The following COL16A1 variants were observed in gnomAD, a reference collection of about 807,000 sequenced individuals.
COL16A1 encodes the protein collagen alpha-1(XVI) chain.
COL16A1 carries 189 observed loss-of-function variants against 266.3 expected under a neutral mutation model. The ratio of observed to expected loss-of-function variants is 0.71; its 90% CI spans 0.63 to 0.80. The LOEUF (loss-of-function observed/expected upper bound fraction) is 0.80. Among genes scored for constraint, COL16A1 ranks in the 30% least tolerant of loss-of-function variants. The pLI, the probability that COL16A1 is intolerant of heterozygous loss-of-function variation, is 0.00. For synonymous variants in COL16A1, 740 were observed against 782.3 expected (o/e 0.95, Z 0.90); for missense variants, 1,928 against 2,122.4 (o/e 0.91, Z 1.80).
chr1:31,684,729 A>G (rs1201101239), intron 30 of COL16A1, 92 bp downstream of exon 30: 10 of 1,609,224 alleles, frequency 6.2e-6, no homozygotes, highest in Non-Finnish European at 8.5e-6. Flanking sequence ...GCCGGGGCTG[A>G]GGGTTGGGGG....
At position 31,662,673 on chromosome 1, in the gene COL16A1, C is replaced by CGGGGGGGGGGG; in HGVS notation, c.3556-16_3556-15insCCCCCCCCCCC. The CGGGGGGGGGGG allele has an allele frequency of 3.4e-6, 4 of 1,174,546 alleles. No homozygotes were observed. The highest frequency in any genetic ancestry group is 4.8e-6 in the Non-Finnish European group (4 of 836,292). The allele number at this position is 1,174,546 out of a possible 1,614,324, so 72.8% of individuals were successfully genotyped here. Reference sequence around the variant, plus strand: ...CCTTCGCTGCCCTGGAAACCAGCGCCGCCCCCCCCCCCCGCCCCACAATAA... The same window carrying CGGGGGGGGGGG: ...CCTTCGCTGCCCTGGAAACCAGCGCCGGGGGGGGGGGGCCCCCCCCCCCCGCCCCACAATAA... On this transcript the variant is annotated splice_polypyrimidine_tract_variant and intron_variant, in intron 56 of 70. Coordinates refer to ENST00000373672, the MANE Select transcript of COL16A1 (RefSeq NM_001856.4).
In COL16A1 at chr1:31,695,757, T is replaced by C; in HGVS notation, c.945+4A>G. The C allele has an allele frequency of 6.2e-7, 1 of 1,613,656 alleles. No individual in the cohort carries two copies. Among genetic ancestry groups the C allele is most frequent in the African/African-American group, 1.3e-5 (1 of 74,968 alleles). On this transcript the variant is annotated splice_donor_region_variant and intron_variant, in intron 10 of 70. Transcript: ENST00000373672. ...CCCTGCTGCCAGTCCACTGGGAGGC[T>C]TACCTCATCGGCTGCTGTCTCCTGA...
Position 31,661,054 on chromosome 1 carries a change from C to T in COL16A1, c.3825+12G>A. ...CAAACTGAAGGCAGCCATGTGGATC[C>T]CTGGCCCTCACCTCTGCGCCAGGCC... On this transcript the variant is annotated intron_variant, in intron 61 of 70. Coordinates refer to ENST00000373672, the MANE Select transcript of COL16A1 (RefSeq NM_001856.4). 1 of 1,559,224 alleles carries T rather than the reference C, an allele frequency of 6.4e-7. No homozygotes were observed. The highest frequency in any genetic ancestry group is 8.7e-7 in the Non-Finnish European group (1 of 1,150,752).
chr1:31,681,667 A>G (rs1410153901), intron 37 of COL16A1, among the ~76,000 whole-genome samples: 3 of 152,256 alleles, frequency 2.0e-5, no homozygotes, highest in Non-Finnish European at 4.4e-5. Flanking sequence ...TGAAAAGGAA[A>G]GCAGTTTGGG....
In COL16A1 at chr1:31,665,963, G is replaced by A. The variant is rs760642068; in HGVS notation, c.3403-28C>T. 7.6e-5 allele frequency: 123 copies of A among 1,613,838 alleles called. No homozygotes were observed. The East Asian group carries it at 2.1e-3, about 28-fold the overall frequency. On this transcript the variant is annotated intron_variant, in intron 53 of 70. Transcript: ENST00000373672. The stretch of plus-strand genomic sequence containing the variant: ...GTCACCCACAGAGAACAATGCAGCC[G>A]AAACCTAATCTTCCTGCCCTCAGAC...
At position 31,668,697 on chromosome 1, in the gene COL16A1, A is replaced by G. The variant is rs1049451736; in HGVS notation, c.3249+105T>C. The G allele has an allele frequency of 8.9e-6, 11 of 1,239,898 alleles. No homozygotes were observed. The highest frequency in any genetic ancestry group is 1.3e-5 in the Non-Finnish European group (11 of 846,374). 76.8% of individuals were successfully genotyped at this position (1,239,898 alleles called of 1,614,324 possible). A position where few individuals can be genotyped will look rare whatever the true frequency, so the allele number is the denominator to read the frequency against. On this transcript the variant is annotated intron_variant, in intron 50 of 70. Transcript: ENST00000373672. This position sits in a 1 kb window ranked among gnomAD's most constrained non-coding sequence, Gnocchi z 5.8. ...AAGGGCAGAGAGTCTCAAGGAGTCC[A>G]CCTCCCAGCTTCCACTCAGCAGCCA...
At position 31,693,257 on chromosome 1, in the gene COL16A1, C is replaced by T. The variant is rs74063964; in HGVS notation, c.1009-103G>A. ...CCCCCTCCACCCATCCCCCCACACACGGGTACGCAAATACGCACACATGTG... is the reference window on the plus strand; with the variant it reads ...CCCCCTCCACCCATCCCCCCACACATGGGTACGCAAATACGCACACATGTG... On this transcript the variant is annotated intron_variant, in intron 12 of 70. Transcript: ENST00000373672. The T allele has an allele frequency of 0.023, 17,383 of 752,030 alleles. 1,797 individuals are homozygous for T. In the African/African-American group the frequency reaches 0.25, roughly 11 times the overall value. The allele number at this position is 752,030 out of a possible 1,614,324, so 46.6% of individuals were successfully genotyped here.
chr1:31,702,391 G>A (rs1435970205), intron 1 of COL16A1, among the ~76,000 whole-genome samples, 164 bp from the exon 2 acceptor site: 1 of 152,218 alleles, frequency 6.6e-6, no homozygotes, highest in Non-Finnish European at 1.5e-5. Context: ...ACAGCCCTTG[G>A]GCTAGGATTT....
intron 47 of COL16A1, among the ~76,000 whole-genome samples, chr1:31,672,002 C>G (rs904140432): frequency 2.0e-5 from 3 of 152,208 alleles, no homozygotes; most frequent in African/African-American, 7.2e-5. Context: ...TGGTGTTGAG[C>G]TGACACCTGT....
chr1:31,681,192 G>T, intron 37 of COL16A1, 125 bp from the exon 38 acceptor site: 1 of 1,344,776 alleles, frequency 7.4e-7, no homozygotes, highest in South Asian at 1.5e-5. Flanking sequence ...CCAGGGCCGA[G>T]GGCCCACGTT....
In COL16A1 at chr1:31,684,186, C is replaced by T. The variant is rs777462646; in HGVS notation, c.2206G>A (p.Asp736Asn). ...ACPSLQGTVT[D>N]MAGRPGQPGP... The stretch of plus-strand genomic sequence containing the variant: ...GGCTGCCCAGGCCGTCCTGCCATGT[C>T]TGTCACTGTCCCCTGCAGGCTGGGG... Residue 736 changes from aspartate to asparagine, a missense_variant, in exon 32 of 71, where the codon GAC becomes AAC. Asp to Asn is a conservative substitution (Grantham distance 23). Coordinates refer to ENST00000373672, the MANE Select transcript of COL16A1 (RefSeq NM_001856.4). The T allele has an allele frequency of 5.8e-6, 9 of 1,540,750 alleles. No individual in the cohort carries two copies. In the East Asian group the frequency reaches 2.2e-4, roughly 38 times the overall value.
chr1:31,658,792 C>A, intron 63 of COL16A1, 122 bp downstream of exon 63: 1 of 1,254,240 alleles, frequency 8.0e-7, no homozygotes, highest in Non-Finnish European at 1.1e-6. Flanking sequence ...GAGAGGCTGA[C>A]ACCAGGGAAG....
chr1:31,660,997 G>T (rs748271042), intron 61 of COL16A1, 69 bp downstream of exon 61: 11 of 1,476,714 alleles, frequency 7.4e-6, no homozygotes, highest in Non-Finnish European at 4.6e-6. Flanking sequence ...AGGAAGAAGC[G>T]GCTGCATCCC....
In COL16A1 at chr1:31,691,459, G is replaced by C; in HGVS notation, c.1356C>G (p.Pro452=). The change falls in exon 19 of 71, where the codon CCC becomes CCG. Residue 452 remains proline (P), a synonymous_variant. Coordinates refer to ENST00000373672, the MANE Select transcript of COL16A1 (RefSeq NM_001856.4). ...CTATCCCAGGGGGTCCAGGGAGGCC[G>C]GGGGGCCCAGGCTCTCCTGCCAGCC... ...PEGLAGEPGP[P]GLPGPPGIGL... 6.2e-7 allele frequency: 1 copy of C among 1,612,104 alleles called. No homozygotes were observed.
rs766239936 is a variant in COL16A1 at position 31,662,345 on chromosome 1, G to A, written c.3670C>T (p.Pro1224Ser). ...GCCCATCATCTCACCCTCAAGCCAG[G>A]CTTGCCGTCCTTCCCATCCAAACCA... ...LDGLDGKDGK[P>S]GLRGDPGPAG... Residue 1224 changes from proline (P) to serine (S), a missense_variant, in exon 58 of 71, where the codon CCT (proline) becomes TCT (serine). Transcript: ENST00000373672. 1 of 1,573,412 alleles carries A rather than the reference G, an allele frequency of 6.4e-7. No individual in the cohort carries two copies. Among genetic ancestry groups the A allele is most frequent in the Non-Finnish European group, 8.7e-7 (1 of 1,154,114 alleles).
In COL16A1 at chr1:31,685,990, A is replaced by G; in HGVS notation, c.1884+101T>C. 5 of 1,552,594 alleles carry G rather than the reference A, an allele frequency of 3.2e-6. No individual in the cohort carries two copies. The South Asian group carries it at 6.1e-5, about 19-fold the overall frequency. ...TTGCTAAGGAGTCAGACTCTGCCCG[A>G]CAGACAGCAAGGAGCCCCAGAGGGT... On this transcript the variant is annotated intron_variant, in intron 28 of 70. Transcript: ENST00000373672. The surrounding 1 kb of genome is among the most constrained non-coding windows in gnomAD (Gnocchi z 4.0).
intron 29 of COL16A1, 58 bp from the exon 30 acceptor site, chr1:31,684,914 G>C (rs1001068451): frequency 5.6e-6 from 9 of 1,610,518 alleles, no homozygotes; most frequent in Non-Finnish European, 7.6e-6. Flanking sequence ...CAAAGTGCCC[G>C]GCACCACATC....
chr1:31,677,527 C>T (rs1431695535), intron 42 of COL16A1, among the ~76,000 whole-genome samples: 1 of 152,268 alleles, frequency 6.6e-6, no homozygotes, highest in Non-Finnish European at 1.5e-5. Context: ...TGTTGTCCTA[C>T]TGCGGAAGCG....
In COL16A1 at chr1:31,666,052, G is replaced by A. The variant is rs749485282; in HGVS notation, c.3387C>T (p.Gly1129=). ...PGPPGSEGLP[G]PPGPAGPRGE... ...CTTCACTCACCGCTGGGCCTGGGGG[G>A]CCTGGGAGGCCTTCAGATCCTGGGG... The change falls in exon 53 of 71, where the codon GGC becomes GGT. Residue 1129 remains glycine (G), a synonymous_variant. Transcript: ENST00000373672. The A allele has an allele frequency of 6.2e-7, 1 of 1,612,906 alleles. No individual in the cohort carries two copies. Among genetic ancestry groups the A allele is most frequent in the Non-Finnish European group, 8.5e-7 (1 of 1,179,654 alleles).
Sources: gnomAD v4.1 joint callset for allele counts (sites outside exome capture counted in the v4.1 genomes callset) on GRCh38, gnomAD v4.1.1 for gene constraint, Gnocchi (gnomAD v3.1) non-coding constraint, MANE v1.5 for transcripts, NCBI Gene and HGNC (gene_info 2026-07-23, HGNC 2026-07-21) for gene names.